The following FAM184A variants were observed in gnomAD, a reference collection of about 807,000 sequenced individuals.
The protein encoded by FAM184A is family with sequence similarity 184 member A, also known as protein FAM184A.
In FAM184A, 99 loss-of-function variants were observed where a neutral mutation model predicts 143.8. The observed-to-expected ratio is 0.69, with a 90% confidence interval of 0.58 to 0.81. The LOEUF (loss-of-function observed/expected upper bound fraction) is 0.81. Among genes scored for constraint, FAM184A ranks in the 40% least tolerant of loss-of-function variants. The probability of loss-of-function intolerance (pLI) is 0.00; values close to 1 mark genes in which losing one functional copy is unlikely to be tolerated. For missense variants in FAM184A, 1,217 were observed against 1,310.5 expected (o/e 0.93, Z 1.10); for synonymous variants, 427 against 446.4 (o/e 0.96, Z 0.55).
chr6:119,122,609 GCTT>G (rs1202895469), intron 1 of FAM184A, among the ~76,000 whole-genome samples: 2 of 152,114 alleles, frequency 1.3e-5, no homozygotes, highest in Non-Finnish European at 2.9e-5. Context: ...TGAGCTTCCT[GCTT>G]CTTCTCCATG....
At position 118,989,385 on chromosome 6, in the gene FAM184A, CAAAAT is replaced by C. The variant is rs947074352; in HGVS notation, c.2089-9040_2089-9036del. 7.3e-5 allele frequency among the ~76,000 whole-genome samples: 11 copies of C among 150,182 alleles called. 1 individual carries two copies. Among genetic ancestry groups the C allele is most frequent in the Admixed American group, 6.0e-4 (9 of 15,106 alleles). ...CCTCATTTTTTACCTTCCAAAAATACAAAATAATATTTTTATTTATATTGCTATAT... is the reference window on the plus strand; with the variant it reads ...CCTCATTTTTTACCTTCCAAAAATACAATATTTTTATTTATATTGCTATAT... On this transcript the variant is annotated intron_variant, in intron 9 of 17. Transcript: ENST00000338891.
intron 1 of FAM184A, among the ~76,000 whole-genome samples, chr6:119,077,843 T>TA (rs1402385239): frequency 1.3e-5 from 2 of 152,200 alleles, no homozygotes; most frequent in African/African-American, 2.4e-5. Context: ...GTAAAGTGAT[T>TA]TAGTATTGTG....
chr6:119,019,231 G>A (rs556079952), intron 4 of FAM184A, among the ~76,000 whole-genome samples: 1 of 152,296 alleles, frequency 6.6e-6, no homozygotes, highest in South Asian at 2.1e-4. Context: ...GTGAAAGAAT[G>A]TGAAATACCA....
At chr6:119,096,642 C>CAAAAAAAAAAAAAA (rs763619775) in intron 1 of FAM184A, among the ~76,000 whole-genome samples, 4 of 20,646 alleles carry the variant, frequency 1.9e-4, no homozygotes, top group Non-Finnish European at 3.2e-4. Flanking sequence ...GACTCCATCT[C>CAAAAAAAAAAAAAA]AAAAAAAAAA....
At chr6:119,112,901 A>G (rs1411320743) in intron 1 of FAM184A, among the ~76,000 whole-genome samples, 1 of 152,242 alleles carries the variant, frequency 6.6e-6, no homozygotes, top group African/African-American at 2.4e-5. Flanking sequence ...TTCTGCGAAG[A>G]AAATCAGCAA....
intron 11 of FAM184A, among the ~76,000 whole-genome samples, chr6:118,976,390 C>T (rs115690093): frequency 0.028 from 4,327 of 152,000 alleles, 207 homozygotes; most frequent in African/African-American, 0.098. Context: ...TGGTCAAGCA[C>T]GGGGGCTCAT....
intron 14 of FAM184A, among the ~76,000 whole-genome samples, chr6:118,970,107 G>T (rs1250881983): frequency 6.8e-6 from 1 of 146,188 alleles, no homozygotes; most frequent in African/African-American, 2.5e-5. Context: ...GGGTCCAGGC[G>T]ATTCTCCTGC....
intron 1 of FAM184A, chr6:119,025,363 T>G (rs1785593930): frequency 4.2e-6 from 2 of 478,708 alleles, no homozygotes; most frequent in Admixed American, 4.7e-5. Flanking sequence ...CCCCTATAGT[T>G]TGCTTCTAAA....
intron 6 of FAM184A, among the ~76,000 whole-genome samples, chr6:119,008,998 G>A (rs950333250): frequency 6.6e-6 from 1 of 152,102 alleles, no homozygotes; most frequent in African/African-American, 2.4e-5. Flanking sequence ...AGAAAGAGTA[G>A]GGTTAAGAAT....
At chr6:119,024,908 T>A (rs969424676) in intron 1 of FAM184A, 95 bp from the exon 2 acceptor site, 2 of 1,176,358 alleles carry the variant, frequency 1.7e-6, no homozygotes, top group Admixed American at 2.4e-5. Context: ...TATTTTTCTA[T>A]GCACATAATA....
chr6:119,118,104 TATTA>T (rs753995010), intron 1 of FAM184A, among the ~76,000 whole-genome samples: 68 of 152,246 alleles, frequency 4.5e-4, no homozygotes, highest in Non-Finnish European at 7.3e-4. Context: ...GACCTGCAGT[TATTA>T]ATTAAGCCAG....
intron 9 of FAM184A, among the ~76,000 whole-genome samples, chr6:119,000,319 A>T (rs1784710371): frequency 6.6e-6 from 1 of 152,248 alleles, no homozygotes; most frequent in Non-Finnish European, 1.5e-5. Flanking sequence ...TTTTCGCTTT[A>T]AAGAATTCAA....
intron 1 of FAM184A, among the ~76,000 whole-genome samples, chr6:119,029,676 A>C (rs959139375): frequency 6.6e-6 from 1 of 152,230 alleles, no homozygotes; most frequent in Non-Finnish European, 1.5e-5. Context: ...ATTAAGTTAG[A>C]ATAGGATTTA....
chr6:119,021,943 T>C (rs1458874649), intron 3 of FAM184A, among the ~76,000 whole-genome samples: 1 of 151,782 alleles, frequency 6.6e-6, no homozygotes, highest in Non-Finnish European at 1.5e-5. Context: ...GCCACTGCAC[T>C]CCAGTCTAGG....
At chr6:119,146,462 G>A (rs62418780) in intron 1 of FAM184A, among the ~76,000 whole-genome samples, 4,348 of 144,536 alleles carry the variant, frequency 0.03, 87 homozygotes, top group Non-Finnish European at 0.044. Context: ...ACAGAGGCTC[G>A]CTATGTTACC....
Position 119,122,924 on chromosome 6 carries a change from G to GA in FAM184A, c.-202+26153dup, listed in dbSNP as rs766414096. 9.0e-4 allele frequency among the ~76,000 whole-genome samples: 26 copies of GA among 29,030 alleles called. 3 individuals carry two copies. Among genetic ancestry groups the GA allele is most frequent in the Non-Finnish European group, 1.1e-3 (18 of 16,586 alleles). 19.0% of individuals were successfully genotyped at this position (29,030 alleles called of 152,430 possible). ...TGAGCAACGGAGGAAGACCCTGTCTGAAAAAAAAAAAAAAAAAAAAAAAAA... is the reference window on the plus strand; with the variant it reads ...TGAGCAACGGAGGAAGACCCTGTCTGAAAAAAAAAAAAAAAAAAAAAAAAAA... On this transcript the variant is annotated intron_variant, in intron 1 of 16. Transcript: ENST00000352896.
intron 1 of FAM184A, among the ~76,000 whole-genome samples, chr6:119,122,726 G>A (rs1344035893): frequency 1.3e-5 from 2 of 151,342 alleles, no homozygotes; most frequent in Admixed American, 6.6e-5. Context: ...GTTCAACACC[G>A]ACCTGGGCAA....
At chr6:118,987,504 G>C (rs1784230262) in intron 9 of FAM184A, among the ~76,000 whole-genome samples, 1 of 152,148 alleles carries the variant, frequency 6.6e-6, no homozygotes, top group African/African-American at 2.4e-5. Context: ...TTATTTTGAA[G>C]ATGAATTTCT....
At chr6:119,031,018 C>T (rs936779736) in intron 1 of FAM184A, among the ~76,000 whole-genome samples, 3 of 151,962 alleles carry the variant, frequency 2.0e-5, no homozygotes, top group African/African-American at 4.8e-5. Context: ...TCCTATAAAT[C>T]TTTTACTTTT....
Sources: gnomAD v4.1 joint callset for allele counts (sites outside exome capture counted in the v4.1 genomes callset) on GRCh38, gnomAD v4.1.1 for gene constraint, MANE v1.5 for transcripts, NCBI Gene and HGNC (gene_info 2026-07-23, HGNC 2026-07-21) for gene names.